The following NCAM1 variants were observed in gnomAD, a reference collection of about 807,000 sequenced individuals.
The protein encoded by NCAM1 is neural cell adhesion molecule 1, also known as antigen recognized by monoclonal antibody 5.1H11.
A neutral mutation model predicts 109.8 loss-of-function variants in NCAM1; 14 were observed. The ratio of observed to expected loss-of-function variants is 0.13; its 90% CI spans 0.08 to 0.20. NCAM1 has a LOEUF of 0.20. Among genes scored for constraint, NCAM1 ranks in the 10% least tolerant of loss-of-function variants. NCAM1 has a pLI of 1.00. For synonymous variants in NCAM1, 418 were observed against 442.9 expected, an observed-to-expected ratio of 0.94 and a Z score of 0.70; for missense variants, 774 against 1,109.9, an observed-to-expected ratio of 0.70 and a Z score of 4.30.
chr11:113,208,187 G>A lies in NCAM1; in HGVS notation c.916+185G>A, dbSNP rs554509516. ...ACCATCATCCTCACCTGAGCAGTGG[G>A]ACGGTCTCATAGCTGGCCTCCCCGA... is the stretch of plus-strand genomic sequence containing the variant. On this transcript the variant is annotated intron_variant, in intron 7 of 19. Transcript: ENST00000316851. Among the ~76,000 whole-genome samples, 7 of 152,216 alleles carry A rather than the reference G, an allele frequency of 4.6e-5. No individual in the cohort carries two copies. The South Asian group carries it at 1.5e-3, about 32-fold the overall frequency.
chr11:113,189,217 T>C (rs552491491), intron 1 of NCAM1, among the ~76,000 whole-genome samples: 31 of 152,104 alleles, frequency 2.0e-4, no homozygotes, highest in East Asian at 1.6e-3. Flanking sequence ...TTTGGGAGAC[T>C]GAGGCAGGCA....
intron 6 of NCAM1, 93 bp downstream of exon 6, chr11:113,207,471 T>C: frequency 9.9e-7 from 1 of 1,008,856 alleles, no homozygotes; most frequent in Non-Finnish European, 1.5e-6. Context: ...GGAATGGATG[T>C]GGGCTTCTTA....
intron 1 of NCAM1, among the ~76,000 whole-genome samples, chr11:113,123,138 A>G (rs1941036096): frequency 6.6e-6 from 1 of 152,208 alleles, no homozygotes; most frequent in Non-Finnish European, 1.5e-5. Context: ...GAAGCAATAA[A>G]TGTTAGTTTT....
At chr11:113,216,192 A>T (rs1591426944) in intron 8 of NCAM1, among the ~76,000 whole-genome samples, 1 of 122,458 alleles carries the variant, frequency 8.2e-6, no homozygotes. Context: ...GCTGTCGCCC[A>T]GGCTGGAGTG....
At chr11:113,255,772 A>G in intron 15 of NCAM1, 105 bp from the exon 16 acceptor site, 1 of 1,288,454 alleles carries the variant, frequency 7.8e-7, no homozygotes, top group South Asian at 1.5e-5. Flanking sequence ...TTTCTGAGAA[A>G]GCAAGAAAAG....
rs1944225605 is a variant in NCAM1 at position 113,205,990 on chromosome 11, T to C, written c.491-53T>C. On this transcript the variant is annotated intron_variant, in intron 4 of 19. Coordinates refer to ENST00000316851, the MANE Select transcript of NCAM1 (RefSeq NM_181351.5). Reference sequence around the variant, plus strand: ...AAGGAAAGAGACTCAGCCACCTGCCTGCAGATGCTCTCTGACTGATTCTTG... The same window carrying C: ...AAGGAAAGAGACTCAGCCACCTGCCCGCAGATGCTCTCTGACTGATTCTTG... 1.9e-6 allele frequency: 3 copies of C among 1,607,188 alleles called. No homozygotes were observed. The East Asian group carries it at 6.7e-5, about 36-fold the overall frequency.
chr11:113,173,220 G>A (rs1289157722), intron 1 of NCAM1, among the ~76,000 whole-genome samples: 1 of 152,106 alleles, frequency 6.6e-6, no homozygotes, highest in African/African-American at 2.4e-5. Context: ...AAACCACAAA[G>A]CTTTTTGTCT....
chr11:113,163,330 T>C (rs1942667775), intron 1 of NCAM1, among the ~76,000 whole-genome samples: 2 of 152,202 alleles, frequency 1.3e-5, no homozygotes, highest in South Asian at 4.1e-4. Flanking sequence ...TTTGCATCAG[T>C]ATTGGCTCAG....
intron 1 of NCAM1, among the ~76,000 whole-genome samples, chr11:113,025,591 G>T (rs10750022): frequency 0.44 from 66,900 of 151,730 alleles, 15,720 homozygotes; most frequent in East Asian, 0.8. Flanking sequence ...CAGAGAGTAA[G>T]TGAGCAGAGA....
At chr11:113,040,706 C>T (rs1460481137) in intron 1 of NCAM1, among the ~76,000 whole-genome samples, 1 of 152,122 alleles carries the variant, frequency 6.6e-6, no homozygotes, top group Admixed American at 6.5e-5. Flanking sequence ...AAATGATAGC[C>T]TCTGTCATTT....
chr11:113,105,668 G>A (rs1000903508), intron 1 of NCAM1, among the ~76,000 whole-genome samples: 4 of 152,168 alleles, frequency 2.6e-5, no homozygotes, highest in African/African-American at 9.7e-5. Context: ...AGATAAAAAT[G>A]ACCACATAGT....
rs903964100 is a variant in NCAM1, at chr11:113,273,881, G to A, written c.2457-1386G>A. ...TTCTCTGAGGCGACCGTCAACCAAGGGGCTGGGATAAGGCAGAGAGAGCAG... is the reference window on the plus strand; with the variant it reads ...TTCTCTGAGGCGACCGTCAACCAAGAGGCTGGGATAAGGCAGAGAGAGCAG... On this transcript the variant is annotated intron_variant, in intron 19 of 19. Transcript: ENST00000316851. This position sits in a 1 kb window ranked among gnomAD's most constrained non-coding sequence, Gnocchi z 6.0. 9.3e-6 allele frequency: 2 copies of A among 214,258 alleles called. No individual in the cohort carries two copies. Among genetic ancestry groups the A allele is most frequent in the Admixed American group, 1.1e-4 (2 of 18,826 alleles). The allele number at this position is 214,258 out of a possible 1,614,324, so 13.3% of individuals were successfully genotyped here.
intron 16 of NCAM1, among the ~76,000 whole-genome samples, chr11:113,257,852 G>C (rs1441054391): frequency 1.3e-5 from 2 of 152,248 alleles, no homozygotes; most frequent in African/African-American, 2.4e-5. Flanking sequence ...TTAAATGAAA[G>C]TGGGGCCACA....
Position 113,275,331 on chromosome 11 carries a change from G to A in NCAM1, c.2521G>A (p.Val841Ile). The A allele has an allele frequency of 1.2e-6, 2 of 1,613,690 alleles. No homozygotes were observed. The highest frequency in any genetic ancestry group is 1.1e-5 in the South Asian group (1 of 91,016). ...ETETKPAPAE[V>I]KTVPNDATQT... is the part of the protein sequence containing the mutation. ...AGAAACGAAGCCAGCGCCAGCCGAA[G>A]TCAAGACGGTCCCCAATGACGCCAC... The change falls in exon 20 of 20, where the codon GTC becomes ATC. Residue 841 changes from valine (V) to isoleucine (I), a missense_variant. Val to Ile is a conservative substitution (Grantham distance 29). Coordinates refer to ENST00000316851, the MANE Select transcript of NCAM1 (RefSeq NM_181351.5).
chr11:113,240,526 T>C (rs1945289779), intron 14 of NCAM1: 1 of 501,586 alleles, frequency 2.0e-6, no homozygotes, highest in East Asian at 3.4e-5. Context: ...GGTTTGAGGC[T>C]TGTGCAGCTG....
chr11:113,004,977 C>G (rs1312258853), intron 1 of NCAM1, among the ~76,000 whole-genome samples: 1 of 152,010 alleles, frequency 6.6e-6, no homozygotes, highest in African/African-American at 2.4e-5. Context: ...TCTTTCAACT[C>G]CAGTATTGAT....
At chr11:112,970,741 C>T (rs982019586) in intron 1 of NCAM1, among the ~76,000 whole-genome samples, 41 of 152,230 alleles carry the variant, frequency 2.7e-4, no homozygotes, top group African/African-American at 9.9e-4. Flanking sequence ...ATTTTATGTA[C>T]TGCTAGAGGT....
At chr11:113,000,148 C>T (rs1306434441) in intron 1 of NCAM1, among the ~76,000 whole-genome samples, 3 of 152,052 alleles carry the variant, frequency 2.0e-5, no homozygotes, top group Admixed American at 6.6e-5. Flanking sequence ...TATCACTATC[C>T]GAATGTTGGT....
At chr11:113,197,032 G>A (rs1943877747) in intron 1 of NCAM1, among the ~76,000 whole-genome samples, 1 of 152,154 alleles carries the variant, frequency 6.6e-6, no homozygotes, top group South Asian at 2.1e-4. Context: ...CGTGGCAGCA[G>A]GAAAGAGAAG....
Sources: gnomAD v4.1 joint callset for allele counts (sites outside exome capture counted in the v4.1 genomes callset) on GRCh38, gnomAD v4.1.1 for gene constraint, Gnocchi (gnomAD v3.1) non-coding constraint, MANE v1.5 for transcripts, NCBI Gene and HGNC (gene_info 2026-07-23, HGNC 2026-07-21) for gene names.